Variants in ZDHHC17 observed in about 807,000 individuals in gnomAD.
ZDHHC17 encodes the protein zDHHC palmitoyltransferase 17, also known as palmitoyltransferase ZDHHC17.
A neutral mutation model predicts 90.3 loss-of-function variants in ZDHHC17; 40 were observed. That is an observed-to-expected ratio of 0.44 (90% CI 0.34 to 0.58). The LOEUF is 0.58. Ranked by LOEUF, ZDHHC17 falls within the 20% of genes least tolerant of loss-of-function variation. The pLI is 0.01. For synonymous variants in ZDHHC17, 235 were observed against 252.4 expected (o/e 0.93, Z 0.65); for missense variants, 614 against 780.8 (o/e 0.79, Z 2.55).
At chr12:76,776,170 A>G (rs1464883043) in intron 1 of ZDHHC17, among the ~76,000 whole-genome samples, 1 of 152,194 alleles carries the variant, frequency 6.6e-6, no homozygotes, top group South Asian at 2.1e-4. Flanking sequence ...CAGACCATAT[A>G]TAAACTTAAA....
intron 13 of ZDHHC17, 67 bp from the exon 14 acceptor site, chr12:76,846,529 C>T: frequency 1.7e-6 from 2 of 1,158,198 alleles, no homozygotes; most frequent in Non-Finnish European, 2.6e-6. Context: ...ATGGCATACC[C>T]CTCAAAGGTG....
chr12:76,846,705 T>C, intron 14 of ZDHHC17, 26 bp downstream of exon 14: 4 of 1,555,814 alleles, frequency 2.6e-6, no homozygotes, highest in Non-Finnish European at 3.5e-6. Context: ...TTTCGGTCTT[T>C]TTAAAACAAA....
rs566949888 is a variant in ZDHHC17 at position 76,819,876 on chromosome 12, C to A, written c.772-2530C>A. Reference sequence around the variant, plus strand: ...GGCGTGGTGGTACATGTCTGTAATCCCAGCTACTCGGGAGGCTGAGGCAGG... The same window carrying A: ...GGCGTGGTGGTACATGTCTGTAATCACAGCTACTCGGGAGGCTGAGGCAGG... On this transcript the variant is annotated intron_variant, in intron 7 of 16. Coordinates refer to ENST00000426126, the MANE Select transcript of ZDHHC17 (RefSeq NM_015336.4). Among the ~76,000 whole-genome samples, 128 of 151,906 alleles carry A rather than the reference C, an allele frequency of 8.4e-4. 2 individuals are homozygous for A. Among genetic ancestry groups the A allele is most frequent in the Middle Eastern group, 6.8e-3 (2 of 292 alleles).
At chr12:76,790,895 T>G (rs78606416) in intron 1 of ZDHHC17, among the ~76,000 whole-genome samples, 1 of 143,280 alleles carries the variant, frequency 7.0e-6, no homozygotes, top group Non-Finnish European at 1.5e-5. Flanking sequence ...TAAGTCCTAG[T>G]GTTCTATAGT....
chr12:76,778,598 G>A (rs78230388), intron 1 of ZDHHC17, among the ~76,000 whole-genome samples: 21,382 of 152,214 alleles, frequency 0.14, 1,922 homozygotes, highest in Non-Finnish European at 0.2. Context: ...AAAAATGGAT[G>A]CTGAGTCAGC....
At chr12:76,850,147 C>T (rs984560804) in intron 16 of ZDHHC17, among the ~76,000 whole-genome samples, 2 of 151,986 alleles carry the variant, frequency 1.3e-5, no homozygotes, top group Non-Finnish European at 2.9e-5. Flanking sequence ...GAACTCCTGA[C>T]CTCATGATCC....
At chr12:76,829,556 T>C (rs2137788245) in intron 10 of ZDHHC17, among the ~76,000 whole-genome samples, 1 of 150,928 alleles carries the variant, frequency 6.6e-6, no homozygotes, top group African/African-American at 2.4e-5. Context: ...TCTTAGTCTC[T>C]AATCAAGTTG....
intron 1 of ZDHHC17, among the ~76,000 whole-genome samples, chr12:76,780,844 G>A (rs545875158): frequency 2.1e-4 from 32 of 152,208 alleles, no homozygotes; most frequent in Admixed American, 5.2e-4. Flanking sequence ...CCGATAGGCC[G>A]GGCGCTGTGG....
chr12:76,793,840 T>G (rs1181787590), intron 1 of ZDHHC17, among the ~76,000 whole-genome samples: 2 of 152,202 alleles, frequency 1.3e-5, no homozygotes, highest in Non-Finnish European at 1.5e-5. Context: ...GAAATAGCAA[T>G]TAAATTGCTT....
chr12:76,810,870 G>A (rs1287740176), intron 5 of ZDHHC17, among the ~76,000 whole-genome samples: 1 of 152,138 alleles, frequency 6.6e-6, no homozygotes, highest in Admixed American at 6.6e-5. Context: ...TGACTGAGCT[G>A]GAAGATTGGC....
chr12:76,810,312 GGTT>G (rs1472242440), intron 5 of ZDHHC17, among the ~76,000 whole-genome samples: 3 of 151,980 alleles, frequency 2.0e-5, no homozygotes, highest in Non-Finnish European at 4.4e-5. Flanking sequence ...TATTTTAAGT[GGTT>G]GTTCCTGATT....
intron 2 of ZDHHC17, 57 bp from the exon 3 acceptor site, chr12:76,805,260 T>C: frequency 7.0e-7 from 1 of 1,433,274 alleles, no homozygotes; most frequent in South Asian, 1.3e-5. Flanking sequence ...AAATGTTATT[T>C]TTAACTTTAC....
intron 2 of ZDHHC17, among the ~76,000 whole-genome samples, chr12:76,802,238 T>A (rs1952900184): frequency 1.3e-5 from 2 of 152,332 alleles, no homozygotes; most frequent in African/African-American, 4.8e-5. Context: ...TGGTTGGCAT[T>A]GGTTTTCTTT....
At chr12:76,777,701 G>A (rs1205200203) in intron 1 of ZDHHC17, among the ~76,000 whole-genome samples, 1 of 152,128 alleles carries the variant, frequency 6.6e-6, no homozygotes, top group African/African-American at 2.4e-5. Context: ...TTGTCACTTT[G>A]TTGTGATTTT....
chr12:76,781,959 T>A (rs1952631992), intron 1 of ZDHHC17, among the ~76,000 whole-genome samples: 1 of 152,234 alleles, frequency 6.6e-6, no homozygotes, highest in South Asian at 2.1e-4. Context: ...TCTTGTCACC[T>A]TAGCGTTTTT....
At chr12:76,803,535 T>G (rs1453960973) in intron 2 of ZDHHC17, among the ~76,000 whole-genome samples, 2 of 148,826 alleles carry the variant, frequency 1.3e-5, no homozygotes, top group Admixed American at 6.7e-5. Context: ...CCTGGGCTGA[T>G]GATGTCTGGT....
intron 14 of ZDHHC17, 107 bp from the exon 15 acceptor site, chr12:76,848,126 A>T: frequency 8.5e-7 from 1 of 1,173,940 alleles, no homozygotes. Flanking sequence ...TCATCAGTTA[A>T]ATCTAGACTG....
intron 8 of ZDHHC17, among the ~76,000 whole-genome samples, chr12:76,822,908 C>T (rs1232645172): frequency 6.6e-6 from 1 of 151,962 alleles, no homozygotes; most frequent in Non-Finnish European, 1.5e-5. Flanking sequence ...TTCTTAGGAA[C>T]ACTTACTTAG....
At chr12:76,849,132 A>C (rs1449596138) in intron 15 of ZDHHC17, among the ~76,000 whole-genome samples, 2 of 147,744 alleles carry the variant, frequency 1.4e-5, no homozygotes, top group African/African-American at 2.5e-5. Context: ...AAAAAAAAAA[A>C]AAAAAAAAAC....
Sources: allele counts gnomAD v4.1 joint callset (sites outside exome capture counted in the v4.1 genomes callset), GRCh38; gene constraint gnomAD v4.1.1; transcripts MANE v1.5; gene names NCBI Gene and HGNC (gene_info 2026-07-23, HGNC 2026-07-21).